PSD3: variants seen among roughly 807,000 people sequenced by gnomAD.
The protein encoded by PSD3 is PH and SEC7 domain-containing protein 3.
PSD3 carries 49 observed loss-of-function variants against 105.5 expected under a neutral mutation model. That is an observed-to-expected ratio of 0.46 (90% CI 0.37 to 0.59). The LOEUF (loss-of-function observed/expected upper bound fraction) is 0.59, where lower values mean the gene tolerates loss of function less well. Ranked by LOEUF, PSD3 falls within the 20% of genes least tolerant of loss-of-function variation. PSD3 has a pLI of 0.00. For missense variants in PSD3, 1,561 were observed against 1,263.8 expected (o/e 1.24, Z -3.57); for synonymous variants, 557 against 457.8 (o/e 1.22, Z -2.77).
intron 9 of PSD3, among the ~76,000 whole-genome samples, chr8:18,756,575 A>G (rs949440687): frequency 6.6e-6 from 1 of 151,964 alleles, no homozygotes; most frequent in Non-Finnish European, 1.5e-5. Flanking sequence ...CCCAGCACTT[A>G]GACTGAAACG....
chr8:18,693,684 A>C (rs1224425304), intron 9 of PSD3, among the ~76,000 whole-genome samples: 1 of 152,162 alleles, frequency 6.6e-6, no homozygotes, highest in Non-Finnish European at 1.5e-5. Context: ...ACTGCAGGCT[A>C]CTAGCCCCAC....
chr8:18,965,893 G>T (rs1824213389), intron 1 of PSD3, among the ~76,000 whole-genome samples: 1 of 152,202 alleles, frequency 6.6e-6, no homozygotes, highest in Non-Finnish European at 1.5e-5. Flanking sequence ...TAAGCTCCTG[G>T]TAATATAACA....
chr8:19,036,630 T>C (rs748276179), intron 1 of PSD3, among the ~76,000 whole-genome samples: 8 of 152,106 alleles, frequency 5.3e-5, no homozygotes, highest in Non-Finnish European at 1.2e-4. Context: ...CCATCTGGAT[T>C]GTGGTAGGGT....
intron 10 of PSD3, among the ~76,000 whole-genome samples, chr8:18,640,873 C>G (rs1308991669): frequency 6.6e-6 from 1 of 152,192 alleles, no homozygotes; most frequent in African/African-American, 2.4e-5. Context: ...ATCAGGTAAA[C>G]CGCTCTATCC....
intron 11 of PSD3, among the ~76,000 whole-genome samples, chr8:18,627,401 G>A (rs1161242853): frequency 2.0e-5 from 3 of 152,120 alleles, no homozygotes; most frequent in South Asian, 2.1e-4. Flanking sequence ...CTGTAGCATC[G>A]ATCTTAGCAC....
intron 4 of PSD3, among the ~76,000 whole-genome samples, chr8:18,828,047 G>GTATATATATATATATAATATATATATGTA (rs1813354768): frequency 6.0e-4 from 76 of 126,370 alleles, no homozygotes; most frequent in Admixed American, 1.2e-3. Flanking sequence ...ATATATATAT[G>GTATATATATATATATAATATATATATGTA]TATATATATA....
At chr8:18,572,712 G>A in intron 13 of PSD3, 40 bp from the exon 14 acceptor site, 3 of 1,592,146 alleles carry the variant, frequency 1.9e-6, no homozygotes, top group Non-Finnish European at 2.6e-6. Flanking sequence ...ATATTGCCAT[G>A]TCTAAGTAGC....
At chr8:18,904,936 A>T (rs1819742167) in intron 2 of PSD3, among the ~76,000 whole-genome samples, 1 of 152,234 alleles carries the variant, frequency 6.6e-6, no homozygotes, top group African/African-American at 2.4e-5. Context: ...GAACTTTTGC[A>T]ATCTGGCTAC....
At chr8:18,762,988 C>G in intron 9 of PSD3, 1 of 1,201,654 alleles carries the variant, frequency 8.3e-7, no homozygotes, top group Non-Finnish European at 1.1e-6. Context: ...AGGACAGGTG[C>G]CCATTTGGTT....
chr8:18,918,789 C>A (rs991206455), intron 2 of PSD3, among the ~76,000 whole-genome samples: 1 of 152,234 alleles, frequency 6.6e-6, no homozygotes, highest in East Asian at 1.9e-4. Context: ...CAAAGCCTCT[C>A]ACCCCACCTT....
At chr8:18,905,913 AG>A (rs1819815769) in intron 2 of PSD3, among the ~76,000 whole-genome samples, 1 of 152,236 alleles carries the variant, frequency 6.6e-6, no homozygotes, top group South Asian at 2.1e-4. Context: ...AGATGAAAAA[AG>A]AAACAAAGTA....
intron 9 of PSD3, among the ~76,000 whole-genome samples, chr8:18,710,286 A>T (rs1802171805): frequency 6.6e-6 from 1 of 152,168 alleles, no homozygotes; most frequent in South Asian, 2.1e-4. Context: ...GGCAGAAAAG[A>T]TTAGAGGGAA....
At chr8:18,850,414 T>C (rs539149830) in intron 4 of PSD3, among the ~76,000 whole-genome samples, 3 of 152,326 alleles carry the variant, frequency 2.0e-5, no homozygotes, top group East Asian at 3.9e-4. Context: ...CAGCTGTGGA[T>C]GATTACAAAA....
rs575535286 is a variant in PSD3 at position 18,905,751 on chromosome 8, A to G, written c.130+30283T>C. Among the ~76,000 whole-genome samples, 80 of 152,326 alleles carry G rather than the reference A, an allele frequency of 5.3e-4. 1 individual carries two copies. The South Asian group carries it at 0.016, about 30-fold the overall frequency. On this transcript the variant is annotated intron_variant, in intron 2 of 15. Coordinates refer to ENST00000327040, the MANE Select transcript of PSD3 (RefSeq NM_015310.4). ...CTAGATCCTAAATACCTATCATAGTATTCTGAAGTCAAAAGGTATTCATTA... is the reference window on the plus strand; with the variant it reads ...CTAGATCCTAAATACCTATCATAGTGTTCTGAAGTCAAAAGGTATTCATTA...
At chr8:18,740,562 T>C (rs1442441426) in intron 9 of PSD3, among the ~76,000 whole-genome samples, 6 of 152,210 alleles carry the variant, frequency 3.9e-5, no homozygotes, top group Admixed American at 3.9e-4. Context: ...CAACTGCTTT[T>C]TGAGCTTAAC....
intron 15 of PSD3, among the ~76,000 whole-genome samples, chr8:18,541,950 T>C (rs1018440828): frequency 3.3e-5 from 5 of 152,020 alleles, no homozygotes; most frequent in African/African-American, 1.2e-4. Context: ...ACGGGGTTTC[T>C]CCATGTTGGT....
intron 9 of PSD3, 42 bp from the exon 10 acceptor site, chr8:18,655,727 T>C (rs1306919062): frequency 1.3e-6 from 2 of 1,579,566 alleles, no homozygotes; most frequent in South Asian, 1.1e-5. Flanking sequence ...CTTTCCATTC[T>C]GTTCCACATT....
chr8:18,865,260 ATATATATATATATATATATATATATATTT>A (rs1563360248), intron 4 of PSD3: 8 of 3,688 alleles, frequency 2.2e-3, no homozygotes, highest in Non-Finnish European at 4.3e-3. Flanking sequence ...ATATATATAT[ATATATATATATATATATATATATATATTT>A]TTTTTTTTTT....
intron 9 of PSD3, among the ~76,000 whole-genome samples, chr8:18,684,649 G>A (rs565199359): frequency 1.1e-3 from 172 of 152,248 alleles, no homozygotes; most frequent in African/African-American, 3.5e-3. Context: ...CTTAGACTAC[G>A]ACAGCCAGAT....
Sources: allele counts gnomAD v4.1 joint callset (sites outside exome capture counted in the v4.1 genomes callset), GRCh38; gene constraint gnomAD v4.1.1; transcripts MANE v1.5; gene names NCBI Gene and HGNC (gene_info 2026-07-23, HGNC 2026-07-21).